Variants in ERICH1 observed in about 807,000 individuals in gnomAD.
The protein encoded by ERICH1 is glutamate-rich protein 1.
A neutral mutation model predicts 39.6 loss-of-function variants in ERICH1; 56 were observed. That is an observed-to-expected ratio of 1.41 (90% CI 1.14 to 1.77). ERICH1 has a LOEUF of 1.77. ERICH1 is among the 40% of genes most tolerant of loss of function. ERICH1 has a pLI of 0.00. For synonymous variants in ERICH1, 313 were observed against 223.6 expected, an observed-to-expected ratio of 1.40 and a Z score of -3.57; for missense variants, 826 against 575.4, an observed-to-expected ratio of 1.44 and a Z score of -4.45.
chr8:724,493 A>G (rs1818107819), intron 1 of ERICH1, among the ~76,000 whole-genome samples: 1 of 152,138 alleles, frequency 6.6e-6, no homozygotes, highest in Admixed American at 6.5e-5. Context: ...CGAGCAGCCC[A>G]GGGGCTTCCG....
At chr8:708,712 G>GA (rs1563319907) in intron 2 of ERICH1, among the ~76,000 whole-genome samples, 1 of 59,806 alleles carries the variant, frequency 1.7e-5, no homozygotes, top group Non-Finnish European at 2.7e-5. Flanking sequence ...TTTTTTTTTT[G>GA]AGACAGGGTC....
intron 3 of ERICH1, among the ~76,000 whole-genome samples, chr8:643,554 G>C (rs1210669886): frequency 1.3e-5 from 2 of 152,188 alleles, no homozygotes; most frequent in Admixed American, 6.5e-5. Context: ...CTGCCGGCTG[G>C]GCCCTGGCAG....
chr8:623,159 C>T (rs1044501720), intron 3 of ERICH1, among the ~76,000 whole-genome samples: 1 of 152,054 alleles, frequency 6.6e-6, no homozygotes, highest in African/African-American at 2.4e-5. Context: ...GACACAAACA[C>T]TAGCAAACAA....
intron 3 of ERICH1, among the ~76,000 whole-genome samples, chr8:644,384 T>C (rs972280728): frequency 1.3e-5 from 2 of 151,750 alleles, no homozygotes; most frequent in African/African-American, 2.4e-5. Context: ...CGCTGAAAAA[T>C]TGTCAAAGTC....
rs769065556 is a variant in ERICH1 at position 673,844 on chromosome 8, G to C, written c.508C>G (p.Gln170Glu). The change falls in exon 4 of 6, where the codon CAA becomes GAA. Residue 170 changes from glutamine to glutamate, a missense_variant. Physicochemically the swap from Gln to Glu is conservative, Grantham distance 29 (BLOSUM62 2). Transcript: ENST00000262109. ...NKKRKLKKKQ[Q>E]IKRKKAAGLA... ...CCGGCTGCTTTCTTCCTTTTAATTTGCTGTTTCTTTTTCAGTTTCCTTTTT... is the reference window on the plus strand; with the variant it reads ...CCGGCTGCTTTCTTCCTTTTAATTTCCTGTTTCTTTTTCAGTTTCCTTTTT... 5.0e-6 allele frequency: 8 copies of C among 1,613,782 alleles called. No individual in the cohort carries two copies. Among genetic ancestry groups the C allele is most frequent in the African/African-American group, 1.3e-5 (1 of 74,880 alleles).
intron 2 of ERICH1, among the ~76,000 whole-genome samples, chr8:707,977 A>G (rs1813696169): frequency 6.6e-6 from 1 of 152,210 alleles, no homozygotes; most frequent in Non-Finnish European, 1.5e-5. Flanking sequence ...AAAACTGGGC[A>G]AAGGACGTAA....
chr8:643,151 C>T (rs1267657267), intron 3 of ERICH1, among the ~76,000 whole-genome samples: 1 of 152,208 alleles, frequency 6.6e-6, no homozygotes, highest in Admixed American at 6.5e-5. Flanking sequence ...CTCCCGTCCA[C>T]AGCCGGGGAC....
intron 3 of ERICH1, among the ~76,000 whole-genome samples, chr8:649,390 A>T (rs1168882066): frequency 6.6e-5 from 1 of 15,152 alleles, no homozygotes; most frequent in African/African-American, 1.1e-4. Flanking sequence ...TTTTACGCTC[A>T]CAGTGTGGTT....
At chr8:623,031 C>A (rs1203213247) in intron 3 of ERICH1, among the ~76,000 whole-genome samples, 1 of 151,628 alleles carries the variant, frequency 6.6e-6, no homozygotes, top group Non-Finnish European at 1.5e-5. Flanking sequence ...CCAATCCTAC[C>A]AAAAAAACAG....
chr8:727,987 G>A (rs539173751), intron 1 of ERICH1, among the ~76,000 whole-genome samples: 10 of 152,292 alleles, frequency 6.6e-5, no homozygotes, highest in South Asian at 2.1e-4. Context: ...GACAGGGAGC[G>A]GCCGGACAGC....
At chr8:674,072 A>C (rs1225519787) in intron 3 of ERICH1, 25 bp from the exon 4 acceptor site, 1 of 1,512,916 alleles carries the variant, frequency 6.6e-7, no homozygotes, top group African/African-American at 1.4e-5. Flanking sequence ...CAAATATAAC[A>C]ATTTTCAGTA....
rs543868210 is a variant in ERICH1 at position 651,639 on chromosome 8, G to A, written c.976+16959C>T. Among the ~76,000 whole-genome samples the A allele has an allele frequency of 1.2e-3, 178 of 152,008 alleles. 2 individuals are homozygous for A. The highest frequency in any genetic ancestry group is 4.2e-3 in the South Asian group (20 of 4,782). ...AAGCCAGAGAGAGAGCTGGTGGGCA[G>A]GGACAGGAGAGGCAGAGAGCGAGGG... On this transcript the variant is annotated intron_variant, in intron 3 of 3. Transcript: ENST00000522706.
chr8:654,296 G>C (rs1800335567), intron 3 of ERICH1, among the ~76,000 whole-genome samples: 1 of 152,186 alleles, frequency 6.6e-6, no homozygotes. Flanking sequence ...AGTTAATTGA[G>C]GCCCGTTAAC....
At chr8:691,413 G>C (rs1808881476) in intron 3 of ERICH1, among the ~76,000 whole-genome samples, 1 of 152,270 alleles carries the variant, frequency 6.6e-6, no homozygotes. Flanking sequence ...CTGGGGTCCA[G>C]CACAGGCCTG....
intron 1 of ERICH1, among the ~76,000 whole-genome samples, chr8:723,179 G>A (rs1817737248): frequency 6.6e-6 from 1 of 152,138 alleles, no homozygotes; most frequent in South Asian, 2.1e-4. Context: ...GCTCCCCTCT[G>A]CCTTCCCCAA....
At chr8:712,961 C>G (rs559973881) in intron 2 of ERICH1, among the ~76,000 whole-genome samples, 22 of 152,198 alleles carry the variant, frequency 1.4e-4, no homozygotes, top group Non-Finnish European at 2.9e-4. Flanking sequence ...ACTACAAAGC[C>G]CCACAGACTG....
At chr8:717,881 C>CG (rs1345914916) in intron 1 of ERICH1, among the ~76,000 whole-genome samples, 1 of 152,202 alleles carries the variant, frequency 6.6e-6, no homozygotes, top group Non-Finnish European at 1.5e-5. Flanking sequence ...GTCCCAGGGA[C>CG]GGGGGCAGGC....
At chr8:728,999 G>C (rs113048518) in intron 1 of ERICH1, among the ~76,000 whole-genome samples, 6 of 152,278 alleles carry the variant, frequency 3.9e-5, no homozygotes, top group African/African-American at 1.2e-4. Context: ...GTCTGTGCCA[G>C]GGCCAGGCAG....
intron 2 of ERICH1, among the ~76,000 whole-genome samples, chr8:712,681 C>T (rs897512333): frequency 3.9e-5 from 6 of 152,156 alleles, no homozygotes; most frequent in Non-Finnish European, 7.4e-5. Context: ...CTGTGATCCG[C>T]CCACCTTGGC....
Sources: allele counts gnomAD v4.1 joint callset (sites outside exome capture counted in the v4.1 genomes callset), GRCh38; gene constraint gnomAD v4.1.1; transcripts MANE v1.5; gene names NCBI Gene and HGNC (gene_info 2026-07-23, HGNC 2026-07-21).